The following RBFOX2 variants were observed in gnomAD, a reference collection of about 807,000 sequenced individuals.
The protein encoded by RBFOX2 is RNA binding protein fox-1 homolog 2.
Under a neutral mutation model 49.1 loss-of-function variants are expected in RBFOX2, and 10 were observed. The ratio of observed to expected loss-of-function variants is 0.20; its 90% confidence interval spans 0.13 to 0.35. The LOEUF (loss-of-function observed/expected upper bound fraction) is 0.35. RBFOX2 is among the 10% of genes least tolerant of loss of function. RBFOX2 has a pLI of 1.00. For missense variants in RBFOX2, 323 were observed against 486.9 expected (o/e 0.66, Z 3.17); for synonymous variants, 183 against 187.4 (o/e 0.98, Z 0.19).
intron 1 of RBFOX2, among the ~76,000 whole-genome samples, chr22:35,892,897 T>G (rs1302978924): frequency 6.6e-6 from 1 of 152,170 alleles, no homozygotes; most frequent in Non-Finnish European, 1.5e-5. Flanking sequence ...ACACTAAAAC[T>G]CTCATCTCCT....
intron 1 of RBFOX2, among the ~76,000 whole-genome samples, chr22:35,819,220 T>C (rs905873995): frequency 6.6e-6 from 1 of 152,000 alleles, no homozygotes; most frequent in Admixed American, 6.6e-5. Flanking sequence ...GCAGTATAAG[T>C]CTATAAAAAA....
At chr22:35,817,355 T>C (rs1035462263) in intron 1 of RBFOX2, among the ~76,000 whole-genome samples, 2 of 152,034 alleles carry the variant, frequency 1.3e-5, no homozygotes, top group African/African-American at 4.8e-5. Context: ...TGCACGTCTG[T>C]AATCCCAGCT....
At chr22:35,978,876 G>GA (rs1286782803) in intron 1 of RBFOX2, among the ~76,000 whole-genome samples, 2 of 152,200 alleles carry the variant, frequency 1.3e-5, no homozygotes, top group African/African-American at 4.8e-5. Flanking sequence ...GTTGGTTCAG[G>GA]AAAGAGTAGT....
intron 5 of RBFOX2, among the ~76,000 whole-genome samples, chr22:35,766,165 G>A (rs967938851): frequency 6.6e-6 from 1 of 152,118 alleles, no homozygotes; most frequent in East Asian, 1.9e-4. Context: ...TTACAGAACT[G>A]CATATTTTAA....
At chr22:35,886,413 T>G (rs2046584946) in intron 1 of RBFOX2, among the ~76,000 whole-genome samples, 2 of 152,186 alleles carry the variant, frequency 1.3e-5, no homozygotes, top group Non-Finnish European at 2.9e-5. Flanking sequence ...GATTACAACT[T>G]TTAAAAGCAA....
intron 11 of RBFOX2, 121 bp downstream of exon 13, chr22:35,745,802 G>T: frequency 1.0e-6 from 1 of 984,866 alleles, no homozygotes; most frequent in Non-Finnish European, 1.6e-6. Flanking sequence ...GATCTATGTG[G>T]CTTTAATACC....
chr22:35,917,214 C>T (rs1410346972), intron 1 of RBFOX2, among the ~76,000 whole-genome samples: 2 of 151,970 alleles, frequency 1.3e-5, no homozygotes, highest in African/African-American at 4.8e-5. Context: ...GAAGACACAA[C>T]AAAAAAGAAG....
chr22:35,966,028 TC>T (rs948096488), upstream of RBFOX2, among the ~76,000 whole-genome samples: 27 of 151,846 alleles, frequency 1.8e-4, no homozygotes, highest in African/African-American at 5.6e-4. Context: ...CAGAAGCCCA[TC>T]CTGTGCCTTT....
At chr22:35,766,610 AAAAG>A (rs1390320642) in intron 5 of RBFOX2, among the ~76,000 whole-genome samples, 2 of 152,198 alleles carry the variant, frequency 1.3e-5, no homozygotes, top group Admixed American at 6.5e-5. Context: ...TTCACATTTA[AAAAG>A]AAAGAATGGG....
At chr22:35,892,392 A>G (rs747785232) in intron 1 of RBFOX2, among the ~76,000 whole-genome samples, 1 of 152,204 alleles carries the variant, frequency 6.6e-6, no homozygotes, top group African/African-American at 2.4e-5. Context: ...AAGCGGGGAG[A>G]AAATCTGGCA....
chr22:36,018,502 G>GAAAGAGACGGAGCTTGAAAGTTACGCA (rs2059126917), intron 1 of RBFOX2, among the ~76,000 whole-genome samples: 3 of 152,204 alleles, frequency 2.0e-5, no homozygotes, highest in Non-Finnish European at 4.4e-5. Context: ...GTGGAATGTG[G>GAAAGAGACGGAGCTTGAAAGTTACGCA]AAAGAGACGG....
intron 2 of RBFOX2, among the ~76,000 whole-genome samples, chr22:35,788,411 G>C (rs952578731): frequency 6.6e-6 from 1 of 151,798 alleles, no homozygotes; most frequent in Non-Finnish European, 1.5e-5. Context: ...TCCCCCAATA[G>C]AAGTCTTCAT....
exon 12 of RBFOX2, chr22:35,743,310 G>C (rs1250458499): frequency 1.3e-5 from 2 of 152,046 alleles, no homozygotes; most frequent in African/African-American, 2.4e-5. Flanking sequence ...CTAAATTCCT[G>C]AATCTTATGG....
intron 1 of RBFOX2, among the ~76,000 whole-genome samples, chr22:35,950,779 C>T (rs1387964871): frequency 6.6e-6 from 1 of 151,934 alleles, no homozygotes; most frequent in African/African-American, 2.4e-5. Context: ...TATGATATCT[C>T]GGTCCCGGGG....
chr22:35,981,848 TAAG>T (rs2057472345), intron 1 of RBFOX2, among the ~76,000 whole-genome samples: 1 of 152,092 alleles, frequency 6.6e-6, no homozygotes, highest in African/African-American at 2.4e-5. Flanking sequence ...AAGGCAGCAG[TAAG>T]AAGACAGCCC....
chr22:35,811,444 C>A (rs1951847583), intron 1 of RBFOX2, among the ~76,000 whole-genome samples: 1 of 152,124 alleles, frequency 6.6e-6, no homozygotes, highest in Non-Finnish European at 1.5e-5. Flanking sequence ...CATGTGAAGA[C>A]ACAGAGCATG....
chr22:35,976,963 CA>C lies in RBFOX2; in HGVS notation c.187-38067del, dbSNP rs199582145. 0.015 allele frequency among the ~76,000 whole-genome samples: 899 copies of C among 59,548 alleles called. 23 individuals carry two copies. The East Asian group carries it at 0.22, about 14-fold the overall frequency. The allele number at this position is 59,548 out of a possible 152,430, so 39.1% of individuals were successfully genotyped here. A position where few individuals can be genotyped will look rare whatever the true frequency, so the allele number is the denominator to read the frequency against. On this transcript the variant is annotated intron_variant, in intron 1 of 13. Transcript: ENST00000438146. Reference sequence around the variant, plus strand: ...TGGGCGACAGACCGAGACTCCGTCTCAAAAAAAAAAAAAAAAGAAAAAGAAA... The same window carrying C: ...TGGGCGACAGACCGAGACTCCGTCTCAAAAAAAAAAAAAAAGAAAAAGAAA...
chr22:35,974,183 C>T (rs771851187), intron 1 of RBFOX2, among the ~76,000 whole-genome samples: 10 of 152,202 alleles, frequency 6.6e-5, no homozygotes, highest in African/African-American at 2.4e-4. Flanking sequence ...GTAGAAGGAG[C>T]CAATCAAAAC....
intron 1 of RBFOX2, among the ~76,000 whole-genome samples, chr22:35,857,162 G>A (rs2042608891): frequency 6.6e-6 from 1 of 152,196 alleles, no homozygotes; most frequent in Non-Finnish European, 1.5e-5. Flanking sequence ...GAAGGACTAG[G>A]ACATCCTGCT....
Sources: allele counts gnomAD v4.1 joint callset (sites outside exome capture counted in the v4.1 genomes callset), GRCh38; gene constraint gnomAD v4.1.1; transcripts MANE v1.5; gene names NCBI Gene and HGNC (gene_info 2026-07-23, HGNC 2026-07-21).